The following NBPF12 variants were observed in gnomAD, a reference collection of about 807,000 sequenced individuals.
The protein encoded by NBPF12 is NBPF family member NBPF12.
Under a neutral mutation model 146.4 loss-of-function variants are expected in NBPF12, and 115 were observed. The ratio of observed to expected loss-of-function variants is 0.79; its 90% CI spans 0.68 to 0.92. The LOEUF (loss-of-function observed/expected upper bound fraction) is 0.92, where lower values mean the gene tolerates loss of function less well. Among genes scored for constraint, NBPF12 ranks in the 40% least tolerant of loss-of-function variants. The pLI is 0.00. For synonymous variants in NBPF12, 385 were observed against 508.9 expected (o/e 0.76, Z 3.28); for missense variants, 1,205 against 1,326.8 (o/e 0.91, Z 1.43).
At chr1:146,984,535 T>TC in intron 21 of NBPF12, among the ~76,000 whole-genome samples, 1 of 150,026 alleles carries the variant, frequency 6.7e-6, no homozygotes, top group East Asian at 2.0e-4. Flanking sequence ...GTCCTTTGAC[T>TC]CCCTCATCAG....
intron 13 of NBPF12, among the ~76,000 whole-genome samples, chr1:146,971,826 TCC>T: frequency 2.0e-5 from 3 of 150,122 alleles, no homozygotes; most frequent in African/African-American, 7.5e-5. Context: ...ACACATGTAA[TCC>T]CAGCACTTTG....
In NBPF12 at chr1:146,968,695, T is replaced by G. The variant is rs1656366482; in HGVS notation, c.1091+145T>G. 1.4e-5 allele frequency: 10 copies of G among 732,382 alleles called. No homozygotes were observed. In the Admixed American group the frequency reaches 2.2e-4, roughly 16 times the overall value. 45.4% of individuals were successfully genotyped at this position (732,382 alleles called of 1,614,324 possible). Reference sequence around the variant, plus strand: ...CAGGCTCGCTACACACAAATATTTATCAAACAGAGAAGAAGGATAATAAAA... The same window carrying G: ...CAGGCTCGCTACACACAAATATTTAGCAAACAGAGAAGAAGGATAATAAAA... On this transcript the variant is annotated intron_variant, in intron 10 of 33. Coordinates refer to ENST00000617844, the Ensembl canonical transcript of NBPF12.
intron 17 of NBPF12, 64 bp downstream of exon 20, chr1:146,977,065 A>G (rs1485381137): frequency 1.5e-6 from 1 of 660,346 alleles, no homozygotes; most frequent in Non-Finnish European, 2.7e-6. Context: ...TAGGAGGCAC[A>G]CCCTCTCTGG....
intron 1 of NBPF12, among the ~76,000 whole-genome samples, chr1:146,950,553 G>A (rs1655283069): frequency 6.6e-6 from 1 of 151,602 alleles, no homozygotes; most frequent in Non-Finnish European, 1.5e-5. Context: ...CTGTCCTGTG[G>A]GTCTTTGCCT....
upstream of NBPF12, among the ~76,000 whole-genome samples, chr1:146,948,774 C>T (rs1655185670): frequency 1.3e-5 from 2 of 151,392 alleles, no homozygotes; most frequent in Admixed American, 6.6e-5. Flanking sequence ...GGAAGGAAGG[C>T]CTCTTTGCAG....
upstream of NBPF12, among the ~76,000 whole-genome samples, chr1:146,945,619 A>G (rs1338138167): frequency 6.7e-6 from 1 of 150,198 alleles, no homozygotes; most frequent in African/African-American, 2.5e-5. Flanking sequence ...CATCCTAATT[A>G]AAAAAAAGTA....
chr1:146,969,247 C>T (rs1553886052), intron 10 of NBPF12, 135 bp from the exon 14 acceptor site: 161,301 of 1,039,500 alleles, frequency 0.16, 15,512 homozygotes, highest in South Asian at 0.31. Flanking sequence ...TGGCCACAGT[C>T]ATTCCTTTCA....
rs77757455 is a variant in NBPF12, at chr1:146,995,947, G to A, written c.*1372G>A. ...TCTATTATTATATACATATCTCTAC[G>A]CTGCAAATTTTGGGTCTCAATTTTT... On this transcript the variant is annotated 3_prime_UTR_variant, in exon 34 of 34. Transcript: ENST00000617844. The A allele has an allele frequency of 8.4e-3, 1,248 of 149,416 alleles. 19 individuals are homozygous for A. Among genetic ancestry groups the A allele is most frequent in the African/African-American group, 0.03 (1,190 of 39,368 alleles). 9.3% of individuals were successfully genotyped at this position (149,416 alleles called of 1,614,324 possible).
chr1:146,983,031 T>C (rs1457655480), exon 20 of NBPF12: 1 of 1,608,490 alleles, frequency 6.2e-7, no homozygotes, highest in South Asian at 1.1e-5. Flanking sequence ...ATACCAGTCT[T>C]ACAGCAGCAC....
intron 2 of NBPF12, among the ~76,000 whole-genome samples, chr1:146,953,390 T>G (rs1357894239): frequency 7.1e-6 from 1 of 140,434 alleles, no homozygotes; most frequent in Non-Finnish European, 1.5e-5. Flanking sequence ...GCTTCTTGAC[T>G]GGGGGGAGAT....
chr1:146,964,369 A>G (rs1656056559), exon 7 of NBPF12: 6 of 1,602,996 alleles, frequency 3.7e-6, no homozygotes, highest in Non-Finnish European at 5.1e-6. Context: ...AATGATGAAG[A>G]TGAGGATGAA....
chr1:146,994,500 G>T, exon 34 of NBPF12: 3 of 1,609,278 alleles, frequency 1.9e-6, no homozygotes, highest in South Asian at 1.1e-5. Context: ...CCCTTGACAT[G>T]GACAATAGCT....
exon 34 of NBPF12, chr1:146,994,437 C>G (rs1390712439): frequency 3.1e-6 from 5 of 1,611,988 alleles, no homozygotes; most frequent in African/African-American, 1.3e-5. Context: ...CTGACTCATT[C>G]CAGCACTACA....
At chr1:146,952,532 C>T (rs1321364316) in intron 2 of NBPF12, among the ~76,000 whole-genome samples, 4 of 150,924 alleles carry the variant, frequency 2.7e-5, no homozygotes, top group Non-Finnish European at 5.9e-5. Flanking sequence ...TATCTTGACT[C>T]CTGGTTGAGT....
At chr1:146,965,454 G>C (rs1264412801) in intron 8 of NBPF12, among the ~76,000 whole-genome samples, 1 of 145,298 alleles carries the variant, frequency 6.9e-6, no homozygotes, top group Non-Finnish European at 1.5e-5. Context: ...CTTCTGTCAG[G>C]CTAGACTCTC....
chr1:146,976,938 A>G (rs1444346340), exon 17 of NBPF12: 3 of 705,276 alleles, frequency 4.3e-6, no homozygotes, highest in Non-Finnish European at 7.6e-6. Flanking sequence ...GAAAATGATA[A>G]CGATGACGAT....
chr1:146,972,705 T>A, intron 13 of NBPF12, 46 bp from the exon 17 acceptor site: 1 of 1,388,334 alleles, frequency 7.2e-7, no homozygotes. Flanking sequence ...CCTATTTCAT[T>A]TCATCAGTTT....
chr1:146,970,729 A>C lies in NBPF12; in HGVS notation c.1379+10A>C, dbSNP rs1656547270. On this transcript the variant is annotated intron_variant, in intron 12 of 33. Coordinates refer to ENST00000617844, the Ensembl canonical transcript of NBPF12. ...AATCATCTTCCCCCAGGTGACACTG[A>C]ATACTCAGGAGCAAGTAATGGGTGT... The C allele has an allele frequency of 1.5e-6, 2 of 1,344,386 alleles. No individual in the cohort carries two copies. Among genetic ancestry groups the C allele is most frequent in the Non-Finnish European group, 2.1e-6 (2 of 936,764 alleles). 83.3% of individuals were successfully genotyped at this position (1,344,386 alleles called of 1,614,324 possible). A position where few individuals can be genotyped will look rare whatever the true frequency, so the allele number is the denominator to read the frequency against.
Position 146,966,583 on chromosome 1 carries a change from G to A in NBPF12, c.898G>A (p.Ala300Thr). 3.4e-6 allele frequency: 5 copies of A among 1,456,116 alleles called. No homozygotes were observed. In the South Asian group the frequency reaches 4.6e-5, roughly 13 times the overall value. 90.2% of individuals were successfully genotyped at this position (1,456,116 alleles called of 1,614,324 possible). ...CAATGAGAAGTTGCGCCCCCAGCTG[G>A]CAGAGAAGAAACAGCAGTTCAGAAG... Residue 300 changes from alanine (A) to threonine (T), a missense_variant, in exon 9 of 34, where the codon GCA becomes ACA. Coordinates refer to ENST00000617844, the Ensembl canonical transcript of NBPF12.
Sources: allele counts gnomAD v4.1 joint callset (sites outside exome capture counted in the v4.1 genomes callset), GRCh38; gene constraint gnomAD v4.1.1; transcripts MANE v1.5; gene names NCBI Gene and HGNC (gene_info 2026-07-23, HGNC 2026-07-21).